Variants in PDE7B observed in about 807,000 individuals in gnomAD.
PDE7B encodes the protein phosphodiesterase 7B.
In PDE7B, 29 loss-of-function variants were observed where a neutral mutation model predicts 56.2. The observed-to-expected ratio is 0.52, with a 90% CI of 0.38 to 0.70. The LOEUF is 0.70. Among genes scored for constraint, PDE7B ranks in the 30% least tolerant of loss-of-function variants. The pLI is 0.00. For missense variants in PDE7B, 490 were observed against 565.0 expected (o/e 0.87, Z 1.35); for synonymous variants, 197 against 196.9 (o/e 1.00, Z 0.00).
chr6:136,079,807 C>G (rs1777179025), intron 2 of PDE7B, among the ~76,000 whole-genome samples: 1 of 151,720 alleles, frequency 6.6e-6, no homozygotes, highest in Admixed American at 6.6e-5. Context: ...TTCTGGTGAC[C>G]AGAATGACAC....
chr6:135,967,473 A>C (rs1298091473), intron 2 of PDE7B, among the ~76,000 whole-genome samples: 1 of 152,170 alleles, frequency 6.6e-6, no homozygotes, highest in Admixed American at 6.5e-5. Flanking sequence ...AAAATGACTA[A>C]TTGAATAGAA....
At chr6:136,185,001 T>C (rs1779121583) in intron 11 of PDE7B, among the ~76,000 whole-genome samples, 1 of 152,040 alleles carries the variant, frequency 6.6e-6, no homozygotes, top group African/African-American at 2.4e-5. Flanking sequence ...CTCCAAAGTG[T>C]CACACTTGAC....
chr6:136,059,630 A>G (rs954588659), intron 2 of PDE7B, among the ~76,000 whole-genome samples: 3 of 152,210 alleles, frequency 2.0e-5, no homozygotes, highest in Non-Finnish European at 4.4e-5. Flanking sequence ...GCATAAATTT[A>G]TAAGTTTTAA....
At chr6:135,907,158 T>C (rs1052517811) in intron 1 of PDE7B, among the ~76,000 whole-genome samples, 3 of 152,216 alleles carry the variant, frequency 2.0e-5, no homozygotes, top group Admixed American at 2.0e-4. Context: ...TTTCTGCTGC[T>C]GCTTTTTATA....
Position 136,149,071 on chromosome 6 carries a change from T to C in PDE7B, c.319-16T>C. 6.3e-7 allele frequency: 1 copy of C among 1,597,820 alleles called. No individual in the cohort carries two copies. Among genetic ancestry groups the C allele is most frequent in the Non-Finnish European group, 8.6e-7 (1 of 1,165,340 alleles). On this transcript the variant is annotated splice_polypyrimidine_tract_variant and intron_variant, in intron 4 of 12. Transcript: ENST00000308191. ...GTGTGATTCATTTGCGTGCTGTTTT[T>C]TGTTTGCCTTTTCAGCATATGCTCT... is the stretch of plus-strand genomic sequence containing the variant.
chr6:136,142,701 T>C (rs1009341051), intron 3 of PDE7B, among the ~76,000 whole-genome samples: 4 of 152,222 alleles, frequency 2.6e-5, no homozygotes, highest in African/African-American at 7.2e-5. Flanking sequence ...TTTACCATTA[T>C]GTAATGGCTT....
At chr6:136,038,041 T>C in intron 2 of PDE7B, 1 of 1,329,964 alleles carries the variant, frequency 7.5e-7, no homozygotes, top group Non-Finnish European at 9.9e-7. Context: ...CCTAGGGAAG[T>C]GAATCGCTCT....
chr6:136,056,093 G>A (rs1395577036), intron 2 of PDE7B, among the ~76,000 whole-genome samples: 3 of 152,286 alleles, frequency 2.0e-5, no homozygotes, highest in Admixed American at 6.5e-5. Context: ...AACGTAGAAG[G>A]AGGAGGAGGA....
At chr6:135,924,120 C>A (rs1031504782) in intron 1 of PDE7B, among the ~76,000 whole-genome samples, 3 of 152,102 alleles carry the variant, frequency 2.0e-5, no homozygotes, top group Admixed American at 1.3e-4. Context: ...ATTTTCTAGA[C>A]CTGTGTTTTA....
intron 9 of PDE7B, among the ~76,000 whole-genome samples, chr6:136,175,394 C>G (rs563795563): frequency 1.3e-5 from 2 of 152,174 alleles, no homozygotes; most frequent in South Asian, 2.1e-4. Flanking sequence ...TTAGTTTGAA[C>G]TATGTGAAGT....
At position 136,192,729 on chromosome 6, in the gene PDE7B, T is replaced by C. The variant is rs1779251204; in HGVS notation, c.*889T>C. The C allele has an allele frequency of 6.6e-6, 1 of 152,652 alleles. No individual in the cohort carries two copies. The highest frequency in any genetic ancestry group is 2.4e-5 in the African/African-American group (1 of 41,456). The allele number at this position is 152,652 out of a possible 1,614,324, so 9.5% of individuals were successfully genotyped here. On this transcript the variant is annotated 3_prime_UTR_variant, in exon 13 of 13. Coordinates refer to ENST00000308191, the MANE Select transcript of PDE7B (RefSeq NM_018945.4). ...AATGGCACTGTGAAAATACTGTTAG[T>C]TTTAATACAAGAGAATGCATTTGTA...
intron 1 of PDE7B, among the ~76,000 whole-genome samples, chr6:135,935,190 T>TATATATATA (rs1774395141): frequency 2.8e-5 from 1 of 36,192 alleles, no homozygotes; most frequent in East Asian, 1.3e-3. Context: ...ATATATTTAT[T>TATATATATA]TATATATATA....
chr6:136,023,830 T>C (rs1776110259), intron 2 of PDE7B, among the ~76,000 whole-genome samples: 3 of 152,132 alleles, frequency 2.0e-5, no homozygotes, highest in Admixed American at 2.0e-4. Context: ...CGGGAGTTGC[T>C]TTAGTTTTTT....
At chr6:136,015,099 GA>G (rs1775955424) in intron 2 of PDE7B, among the ~76,000 whole-genome samples, 1 of 152,260 alleles carries the variant, frequency 6.6e-6, no homozygotes, top group South Asian at 2.1e-4. Flanking sequence ...CCAATTCCAT[GA>G]TATTTGTATT....
At chr6:135,952,056 T>A (rs1250573911) in intron 2 of PDE7B, among the ~76,000 whole-genome samples, 1 of 152,144 alleles carries the variant, frequency 6.6e-6, no homozygotes, top group Admixed American at 6.6e-5. Context: ...TAGGATTCAA[T>A]TCATAGTTTT....
chr6:135,970,210 C>A (rs1047049082), intron 2 of PDE7B, among the ~76,000 whole-genome samples: 3 of 152,080 alleles, frequency 2.0e-5, no homozygotes, highest in African/African-American at 4.8e-5. Flanking sequence ...ATACTTAAAT[C>A]ATTTCAGGTC....
intron 1 of PDE7B, among the ~76,000 whole-genome samples, chr6:135,868,711 G>A (rs1385573127): frequency 6.6e-6 from 1 of 152,204 alleles, no homozygotes; most frequent in East Asian, 1.9e-4. Flanking sequence ...GAGATTACAG[G>A]TGTGAGCCAC....
At position 136,057,123 on chromosome 6, in the gene PDE7B, A is replaced by G. The variant is rs544002598; in HGVS notation, c.83-51608A>G. 5.9e-5 allele frequency among the ~76,000 whole-genome samples: 9 copies of G among 152,362 alleles called. No individual in the cohort carries two copies. In the South Asian group the frequency reaches 1.9e-3, roughly 32 times the overall value. The stretch of plus-strand genomic sequence containing the variant: ...AATCAGTTAATCCACACAAAGAACT[A>G]GCACACTGCTGGTACATAATAAGCT... On this transcript the variant is annotated intron_variant, in intron 2 of 12. Transcript: ENST00000308191.
chr6:135,960,203 A>C (rs932427395), intron 2 of PDE7B, among the ~76,000 whole-genome samples: 1 of 152,186 alleles, frequency 6.6e-6, no homozygotes, highest in Admixed American at 6.6e-5. Context: ...GGTCTCCAAC[A>C]TGTGACCATA....
Sources: allele counts gnomAD v4.1 joint callset (sites outside exome capture counted in the v4.1 genomes callset), GRCh38; gene constraint gnomAD v4.1.1; transcripts MANE v1.5; gene names NCBI Gene and HGNC (gene_info 2026-07-23, HGNC 2026-07-21).